The following TOX2 variants were observed in gnomAD, a reference collection of about 807,000 sequenced individuals.
TOX2 encodes TOX high mobility group box family member 2.
TOX2 carries 15 observed loss-of-function variants against 47.4 expected under a neutral mutation model. The ratio of observed to expected loss-of-function variants is 0.32; its 90% CI spans 0.21 to 0.49. TOX2 has a LOEUF of 0.49. TOX2 is among the 20% of genes least tolerant of loss of function. The probability of loss-of-function intolerance (pLI) is 0.99; values close to 1 mark genes in which losing one functional copy is unlikely to be tolerated. For missense variants in TOX2, 622 were observed against 673.1 expected (o/e 0.92, Z 0.84); for synonymous variants, 290 against 296.6 (o/e 0.98, Z 0.23).
intron 1 of TOX2, among the ~76,000 whole-genome samples, chr20:43,953,416 G>A (rs1303731378): frequency 6.6e-6 from 1 of 152,194 alleles, no homozygotes; most frequent in East Asian, 1.9e-4. Flanking sequence ...CTGTCATCAC[G>A]TTCATGCACA....
chr20:43,930,532 C>G (rs1360723154), intron 1 of TOX2, among the ~76,000 whole-genome samples: 1 of 152,166 alleles, frequency 6.6e-6, no homozygotes, highest in African/African-American at 2.4e-5. Context: ...AGATGCAGCC[C>G]CTGTTTTGTC....
chr20:44,014,003 G>T (rs2070827867), intron 3 of TOX2, among the ~76,000 whole-genome samples: 1 of 151,890 alleles, frequency 6.6e-6, no homozygotes, highest in Non-Finnish European at 1.5e-5. Context: ...AGTGGCTTGC[G>T]CCTGTGGTCC....
At chr20:43,951,161 G>C (rs1461967137) in intron 1 of TOX2, among the ~76,000 whole-genome samples, 1 of 152,182 alleles carries the variant, frequency 6.6e-6, no homozygotes, top group East Asian at 1.9e-4. Context: ...AGGGACCCTT[G>C]CAGTAGTTAA....
chr20:43,984,786 C>G (rs1286976516), intron 2 of TOX2, among the ~76,000 whole-genome samples: 1 of 152,080 alleles, frequency 6.6e-6, no homozygotes, highest in Non-Finnish European at 1.5e-5. Context: ...TGTTCACTCT[C>G]TCTAAATGGG....
intron 3 of TOX2, among the ~76,000 whole-genome samples, chr20:44,025,017 C>T (rs1349332781): frequency 6.6e-6 from 1 of 152,104 alleles, no homozygotes; most frequent in East Asian, 1.9e-4. Flanking sequence ...CTTTTAGTGG[C>T]TAGATAACAT....
intron 5 of TOX2, 146 bp from the exon 6 acceptor site, chr20:44,064,631 G>A (rs1020777945): frequency 2.1e-5 from 15 of 717,088 alleles, no homozygotes; most frequent in Non-Finnish European, 3.3e-5. Context: ...CCCAGAAAGG[G>A]GCCAGTGGCT....
chr20:43,933,826 G>C (rs760261168), intron 1 of TOX2, among the ~76,000 whole-genome samples: 1 of 152,110 alleles, frequency 6.6e-6, no homozygotes, highest in African/African-American at 2.4e-5. Context: ...CAGCCCCCGG[G>C]GTGTGGGTGC....
chr20:43,999,426 C>G (rs565294150), intron 2 of TOX2, among the ~76,000 whole-genome samples: 1 of 152,044 alleles, frequency 6.6e-6, no homozygotes, highest in South Asian at 2.1e-4. Context: ...ACTGGTGTTT[C>G]TGTAAACCAA....
At chr20:44,058,069 C>A (rs2071653673) in intron 5 of TOX2, among the ~76,000 whole-genome samples, 1 of 150,382 alleles carries the variant, frequency 6.6e-6, no homozygotes, top group Admixed American at 6.6e-5. Context: ...TGAACTTTTG[C>A]TCCAAGAACT....
chr20:43,960,228 C>T (rs1207187187), intron 1 of TOX2, among the ~76,000 whole-genome samples: 3 of 152,180 alleles, frequency 2.0e-5, no homozygotes, highest in Admixed American at 6.5e-5. Context: ...GATGCTCTTG[C>T]GTGTCACCCT....
chr20:43,964,608 G>A (rs549679144), intron 1 of TOX2, among the ~76,000 whole-genome samples: 1 of 152,326 alleles, frequency 6.6e-6, no homozygotes, highest in Admixed American at 6.5e-5. Context: ...GTGCAGAGGG[G>A]AGGAGCAACA....
intron 6 of TOX2, among the ~76,000 whole-genome samples, chr20:44,065,234 G>T (rs564750523): frequency 6.6e-6 from 1 of 152,160 alleles, no homozygotes; most frequent in African/African-American, 2.4e-5. Context: ...TCACCACACC[G>T]TCGGCCTCCT....
At chr20:44,049,943 T>C (rs936036537) in intron 3 of TOX2, among the ~76,000 whole-genome samples, 1 of 152,224 alleles carries the variant, frequency 6.6e-6, no homozygotes, top group Non-Finnish European at 1.5e-5. Flanking sequence ...AGTGCTGCAG[T>C]GAACACACAC....
At chr20:44,035,837 C>T (rs1381930023) in intron 3 of TOX2, among the ~76,000 whole-genome samples, 2 of 152,196 alleles carry the variant, frequency 1.3e-5, no homozygotes, top group African/African-American at 4.8e-5. Context: ...TTTAGGGGAG[C>T]ACTCTCAGGA....
At chr20:44,052,761 A>T (rs2071538719) in intron 4 of TOX2, among the ~76,000 whole-genome samples, 1 of 152,198 alleles carries the variant, frequency 6.6e-6, no homozygotes, top group African/African-American at 2.4e-5. Flanking sequence ...ATCTGGTGTC[A>T]CACAGCTAGT....
intron 2 of TOX2, among the ~76,000 whole-genome samples, chr20:43,976,156 A>C (rs941376524): frequency 3.9e-5 from 6 of 152,264 alleles, no homozygotes; most frequent in African/African-American, 1.4e-4. Context: ...CTGCATAACA[A>C]ACACCTCAAA....
rs1342555099 is a variant in TOX2, at chr20:44,048,388, TTATATATATATATATATATATATATG to T, written c.412-2913_412-2888del. On this transcript the variant is annotated intron_variant, in intron 3 of 8. Coordinates refer to ENST00000341197, the MANE Select transcript of TOX2 (RefSeq NM_001098797.2). ...ATGTTAGTATCTGGATAAAATGAAT[TTATATATATATATATATATATATATG>T]TATAATTTACCAAAACTGACTCGAG... Among the ~76,000 whole-genome samples, 11 of 86,850 alleles carry T rather than the reference TTATATATATATATATATATATATATG, an allele frequency of 1.3e-4. 1 individual carries two copies. Among genetic ancestry groups the T allele is most frequent in the South Asian group, 6.8e-4 (2 of 2,928 alleles). 57.0% of individuals were successfully genotyped at this position (86,850 alleles called of 152,430 possible).
chr20:44,001,332 A>G (rs546616403), intron 2 of TOX2, among the ~76,000 whole-genome samples: 2 of 152,332 alleles, frequency 1.3e-5, no homozygotes, highest in East Asian at 3.9e-4. Context: ...TTCTCTACAG[A>G]ACACATATGA....
intron 5 of TOX2, among the ~76,000 whole-genome samples, chr20:44,064,040 A>C (rs1007411329): frequency 6.6e-6 from 1 of 152,248 alleles, no homozygotes; most frequent in Non-Finnish European, 1.5e-5. Context: ...GACTATCATC[A>C]GGTACAGTGT....
Sources: allele counts gnomAD v4.1 joint callset (sites outside exome capture counted in the v4.1 genomes callset), GRCh38; gene constraint gnomAD v4.1.1; transcripts MANE v1.5; gene names NCBI Gene and HGNC (gene_info 2026-07-23, HGNC 2026-07-21).